Variants in KIAA0825 observed in about 807,000 individuals in gnomAD.
The protein encoded by KIAA0825 is KIAA0825, also known as uncharacterized protein KIAA0825.
In KIAA0825, 119 loss-of-function variants were observed where a neutral mutation model predicts 147.6. The ratio of observed to expected loss-of-function variants is 0.81; its 90% CI spans 0.69 to 0.94. KIAA0825 has a LOEUF of 0.94. KIAA0825 is among the 40% of genes least tolerant of loss of function. The pLI, the probability that KIAA0825 is intolerant of heterozygous loss-of-function variation, is 0.00. For missense variants in KIAA0825, 1,381 were observed against 1,472.7 expected (o/e 0.94, Z 1.02); for synonymous variants, 470 against 518.1 (o/e 0.91, Z 1.26).
At chr5:94,503,206 G>C (rs1021438380) in intron 5 of KIAA0825, among the ~76,000 whole-genome samples, 4 of 151,540 alleles carry the variant, frequency 2.6e-5, no homozygotes, top group African/African-American at 9.7e-5. Context: ...CTTTCTTCCT[G>C]TTCCCACAAT....
intron 20 of KIAA0825, among the ~76,000 whole-genome samples, chr5:94,164,649 G>A (rs949869180): frequency 6.6e-6 from 1 of 152,052 alleles, no homozygotes; most frequent in Non-Finnish European, 1.5e-5. Flanking sequence ...CTGACCTCGT[G>A]ATCTGCCTGC....
At chr5:94,483,905 T>C (rs1762758842) in intron 6 of KIAA0825, among the ~76,000 whole-genome samples, 1 of 151,544 alleles carries the variant, frequency 6.6e-6, no homozygotes, top group Non-Finnish European at 1.5e-5. Context: ...ATCACTTGCT[T>C]CCTTCACTTT....
At chr5:94,557,486 C>A (rs1280968441) in intron 2 of KIAA0825, among the ~76,000 whole-genome samples, 4 of 151,602 alleles carry the variant, frequency 2.6e-5, no homozygotes, top group Non-Finnish European at 5.9e-5. Context: ...GGGATCTAAC[C>A]CTAGTCATAA....
rs541778369 is a variant in KIAA0825, at chr5:94,318,064, T to A, written c.3710+66304A>T. Among the ~76,000 whole-genome samples, 87 of 151,858 alleles carry A rather than the reference T, an allele frequency of 5.7e-4. No individual in the cohort carries two copies. The Middle Eastern group carries it at 0.011, about 19-fold the overall frequency. ...TGGAATATGCTTTTAAATTCATTAA[T>A]TTAGAAAGTAAAAAGATTAGAGAGA... On this transcript the variant is annotated intron_variant, in intron 20 of 20. Coordinates refer to ENST00000682413, the MANE Select transcript of KIAA0825 (RefSeq NM_001145678.3).
intron 2 of KIAA0825, among the ~76,000 whole-genome samples, chr5:94,564,537 A>AGTGTGTGTGT (rs56256662): frequency 9.1e-5 from 3 of 32,928 alleles, no homozygotes; most frequent in Admixed American, 6.1e-4. Context: ...CTTATTTTTG[A>AGTGTGTGTGT]GTGTGTGTGT....
At chr5:94,477,668 T>C (rs1449758289) in intron 6 of KIAA0825, among the ~76,000 whole-genome samples, 2 of 152,064 alleles carry the variant, frequency 1.3e-5, no homozygotes, top group Non-Finnish European at 2.9e-5. Context: ...GAAAAATACA[T>C]AAACATCAGC....
chr5:94,593,947 C>T, intron 1 of KIAA0825: 2 of 455,444 alleles, frequency 4.4e-6, no homozygotes, highest in South Asian at 1.7e-5. Flanking sequence ...CACAGTGTGA[C>T]CCAAATAAAT....
In KIAA0825 at chr5:94,444,059, C is replaced by A. The variant is rs200033191; in HGVS notation, c.2358-3938G>T. Among the ~76,000 whole-genome samples the A allele has an allele frequency of 2.0e-5, 3 of 152,262 alleles. No individual in the cohort carries two copies. The East Asian group carries it at 5.8e-4, about 29-fold the overall frequency. ...CAACCATTATATGGTACTGTGGCCC[C>A]AACAGACAAACTACATAGATCTGAG... On this transcript the variant is annotated intron_variant, in intron 13 of 20. Coordinates refer to ENST00000682413, the MANE Select transcript of KIAA0825 (RefSeq NM_001145678.3).
chr5:94,253,705 G>A (rs4546362), intron 20 of KIAA0825, among the ~76,000 whole-genome samples: 130,304 of 152,068 alleles, frequency 0.86, 55,927 homozygotes, highest in South Asian at 0.88. Flanking sequence ...GTTTGGTTCC[G>A]TGAAATAGCA....
chr5:94,188,867 G>T (rs552150200), intron 20 of KIAA0825, among the ~76,000 whole-genome samples: 2 of 152,254 alleles, frequency 1.3e-5, no homozygotes, highest in South Asian at 4.1e-4. Flanking sequence ...TAAAGTGGCT[G>T]TTCCATTTTT....
intron 1 of KIAA0825, among the ~76,000 whole-genome samples, chr5:94,616,275 T>C (rs568818256): frequency 9.2e-5 from 14 of 152,338 alleles, no homozygotes; most frequent in African/African-American, 3.4e-4. Flanking sequence ...TTAACTTCTA[T>C]GTCATTTCTA....
At chr5:94,326,511 CACTG>C (rs1780709785) in intron 20 of KIAA0825, among the ~76,000 whole-genome samples, 1 of 152,140 alleles carries the variant, frequency 6.6e-6, no homozygotes, top group South Asian at 2.1e-4. Flanking sequence ...TGATTGATCT[CACTG>C]ACTAAGGCAA....
chr5:94,402,018 C>T (rs550059845), intron 16 of KIAA0825, among the ~76,000 whole-genome samples: 2 of 152,290 alleles, frequency 1.3e-5, no homozygotes, highest in South Asian at 4.1e-4. Context: ...TTGTCATATC[C>T]TCTTAGAACG....
At chr5:94,616,080 G>A (rs1428024756) in intron 1 of KIAA0825, among the ~76,000 whole-genome samples, 1 of 152,004 alleles carries the variant, frequency 6.6e-6, no homozygotes, top group Non-Finnish European at 1.5e-5. Context: ...GCTAGATGCT[G>A]GGTTTGAGAT....
rs533914096 is a variant in KIAA0825, at chr5:94,417,107, G to T, written c.2662+94C>A. 1.9e-5 allele frequency: 22 copies of T among 1,188,264 alleles called. No homozygotes were observed. The South Asian group carries it at 2.9e-4, about 16-fold the overall frequency. 73.6% of individuals were successfully genotyped at this position (1,188,264 alleles called of 1,614,324 possible). ...TAAACTTTCACCAACAACAGATTCA[G>T]CAAAACCAGTATCAATACAACTTCT... On this transcript the variant is annotated intron_variant, in intron 15 of 20. Transcript: ENST00000682413.
chr5:94,510,321 A>T (rs1485298922), intron 5 of KIAA0825, among the ~76,000 whole-genome samples: 1 of 152,250 alleles, frequency 6.6e-6, no homozygotes, highest in African/African-American at 2.4e-5. Context: ...AAGCCATATT[A>T]GAGTCTCATC....
chr5:94,593,555 C>A (rs1784724498), intron 1 of KIAA0825: 2 of 575,366 alleles, frequency 3.5e-6, no homozygotes, highest in South Asian at 4.2e-5. Flanking sequence ...GGACCCATTG[C>A]AGGACCTGAA....
intron 20 of KIAA0825, among the ~76,000 whole-genome samples, chr5:94,325,645 A>G (rs1450737353): frequency 6.6e-6 from 1 of 152,010 alleles, no homozygotes; most frequent in Admixed American, 6.6e-5. Context: ...CTTTTATAAG[A>G]AAGTTTATAC....
At chr5:94,387,005 G>A (rs561685790) in intron 18 of KIAA0825, among the ~76,000 whole-genome samples, 7 of 152,138 alleles carry the variant, frequency 4.6e-5, no homozygotes, top group African/African-American at 1.2e-4. Flanking sequence ...CAAAAAAAAA[G>A]CCAATCTACA....
Sources: allele counts gnomAD v4.1 joint callset (sites outside exome capture counted in the v4.1 genomes callset), GRCh38; gene constraint gnomAD v4.1.1; transcripts MANE v1.5; gene names NCBI Gene and HGNC (gene_info 2026-07-23, HGNC 2026-07-21).